The following EVC2 variants were observed in gnomAD, a reference collection of about 807,000 sequenced individuals.
EVC2 encodes the protein EvC ciliary complex subunit 2, also known as limbin.
EVC2 carries 148 observed loss-of-function variants against 149.3 expected under a neutral mutation model. The observed-to-expected ratio is 0.99, with a 90% confidence interval of 0.87 to 1.14. The LOEUF is 1.14. Among genes scored for constraint, EVC2 ranks in the 50% most tolerant of loss-of-function variants. The pLI is 0.00. For synonymous variants in EVC2, 776 were observed against 649.9 expected, an observed-to-expected ratio of 1.19 and a Z score of -2.95; for missense variants, 1,854 against 1,627.3, an observed-to-expected ratio of 1.14 and a Z score of -2.40.
At chr4:5,533,432 C>A in the EVC2 span, among the ~76,000 whole-genome samples, 2 of 152,016 alleles carry the variant, frequency 1.3e-5, no homozygotes, top group African/African-American at 4.8e-5. Flanking sequence ...GAGGAGAGGT[C>A]GGGCAAGGAA....
chr4:5,561,645 A>G (rs1721964321), downstream of EVC2, among the ~76,000 whole-genome samples: 1 of 152,158 alleles, frequency 6.6e-6, no homozygotes, highest in African/African-American at 2.4e-5. Context: ...CATGGCAGAT[A>G]AGCATTTTAG....
At chr4:5,681,967 GC>G (rs1264320096) in intron 6 of EVC2, among the ~76,000 whole-genome samples, 1 of 152,078 alleles carries the variant, frequency 6.6e-6, no homozygotes, top group Admixed American at 6.5e-5. Flanking sequence ...TTCATACAGG[GC>G]CCCACTGCTC....
At chr4:5,692,739 C>T (rs959227862) in intron 3 of EVC2, among the ~76,000 whole-genome samples, 4 of 150,794 alleles carry the variant, frequency 2.7e-5, no homozygotes, top group African/African-American at 9.8e-5. Flanking sequence ...CGGTGGCGGG[C>T]GCCTGTAGTC....
intron 1 of EVC2, among the ~76,000 whole-genome samples, chr4:5,698,015 C>A (rs924967376): frequency 6.6e-6 from 1 of 152,014 alleles, no homozygotes; most frequent in Non-Finnish European, 1.5e-5. Context: ...CCTCCCAAAG[C>A]GCTGGGATTA....
chr4:5,698,284 G>A (rs889773732), intron 1 of EVC2, among the ~76,000 whole-genome samples: 9 of 152,052 alleles, frequency 5.9e-5, no homozygotes, highest in African/African-American at 1.9e-4. Flanking sequence ...GTGGACCCTG[G>A]GTAAGCCAAC....
the EVC2 span, among the ~76,000 whole-genome samples, chr4:5,529,885 C>T: frequency 1.3e-5 from 2 of 149,002 alleles, no homozygotes; most frequent in Non-Finnish European, 3.0e-5. The surrounding 1 kb of genome is among the most constrained non-coding windows in gnomAD (Gnocchi z 4.5). Flanking sequence ...GGTGCAATCT[C>T]GGCTCACTGC....
chr4:5,652,012 C>G (rs1718177722), intron 9 of EVC2, among the ~76,000 whole-genome samples: 1 of 152,186 alleles, frequency 6.6e-6, no homozygotes, highest in Non-Finnish European at 1.5e-5. Flanking sequence ...GCCTTGCAGG[C>G]CATGGTGGGG....
chr4:5,534,714 G>C, the EVC2 span, among the ~76,000 whole-genome samples: 1 of 151,624 alleles, frequency 6.6e-6, no homozygotes, highest in African/African-American at 2.4e-5. Context: ...TTGAGTGATG[G>C]AGGCTTTGTG....
intron 9 of EVC2, among the ~76,000 whole-genome samples, chr4:5,662,665 A>G (rs1261247928): frequency 6.8e-6 from 1 of 146,440 alleles, no homozygotes; most frequent in East Asian, 1.9e-4. Context: ...TTATATTGAT[A>G]TTAAATATAA....
chr4:5,538,598 T>C (rs1267951673), downstream of EVC2, among the ~76,000 whole-genome samples: 2 of 152,134 alleles, frequency 1.3e-5, no homozygotes, highest in Non-Finnish European at 2.9e-5. Context: ...AAACTAACAA[T>C]AGATTGCAAA....
chr4:5,695,996 G>A (rs1721452866), intron 2 of EVC2, among the ~76,000 whole-genome samples: 1 of 152,170 alleles, frequency 6.6e-6, no homozygotes, highest in Non-Finnish European at 1.5e-5. Context: ...TGGGATAAGG[G>A]CTCCAATTGC....
chr4:5,537,816 C>T (rs984056121), downstream of EVC2, among the ~76,000 whole-genome samples: 1 of 152,058 alleles, frequency 6.6e-6, no homozygotes, highest in Non-Finnish European at 1.5e-5. Flanking sequence ...ATTTATGGCA[C>T]TAAATCCTAT....
At chr4:5,669,198 G>A (rs1440433478) in intron 7 of EVC2, among the ~76,000 whole-genome samples, 1 of 152,198 alleles carries the variant, frequency 6.6e-6, no homozygotes, top group Non-Finnish European at 1.5e-5. Flanking sequence ...CCAGCCTGCA[G>A]AACTGTGAGA....
intron 21 of EVC2, among the ~76,000 whole-genome samples, chr4:5,543,690 G>C (rs1721560055): frequency 6.6e-6 from 1 of 152,112 alleles, no homozygotes; most frequent in South Asian, 2.1e-4. Context: ...ATAGGGGTGG[G>C]GGATAATAGG....
At chr4:5,574,321 G>A (rs774204428) in intron 19 of EVC2, among the ~76,000 whole-genome samples, 5 of 152,202 alleles carry the variant, frequency 3.3e-5, no homozygotes, top group Non-Finnish European at 5.9e-5. Context: ...GTGGGGTGCA[G>A]TATCACTGAT....
At chr4:5,688,999 C>CT (rs780172342) in intron 5 of EVC2, among the ~76,000 whole-genome samples, 158 bp downstream of exon 5, 1 of 152,112 alleles carries the variant, frequency 6.6e-6, no homozygotes, top group Non-Finnish European at 1.5e-5. Flanking sequence ...TCTCTTTTCT[C>CT]TTTTTTTGAT....
At chr4:5,554,008 A>AT (rs1721786657) in intron 21 of EVC2, among the ~76,000 whole-genome samples, 1 of 152,222 alleles carries the variant, frequency 6.6e-6, no homozygotes, top group Non-Finnish European at 1.5e-5. Flanking sequence ...ACACATATGC[A>AT]TTGCCATATA....
chr4:5,575,991 AT>A (rs1431815151), intron 18 of EVC2, among the ~76,000 whole-genome samples: 1 of 152,224 alleles, frequency 6.6e-6, no homozygotes, highest in Non-Finnish European at 1.5e-5. Context: ...GTGAGTCTAT[AT>A]TTCAAAATAA....
At chr4:5,620,586 C>G (rs913708268) in intron 14 of EVC2, among the ~76,000 whole-genome samples, 1 of 152,066 alleles carries the variant, frequency 6.6e-6, no homozygotes, top group African/African-American at 2.4e-5. Flanking sequence ...TGCATAATGC[C>G]TCGGAAATAA....
Sources: allele counts gnomAD v4.1 joint callset (sites outside exome capture counted in the v4.1 genomes callset), GRCh38; gene constraint gnomAD v4.1.1; non-coding constraint Gnocchi (gnomAD v3.1); transcripts MANE v1.5; gene names NCBI Gene and HGNC (gene_info 2026-07-23, HGNC 2026-07-21).